The following HECW2 variants were observed in gnomAD, a reference collection of about 807,000 sequenced individuals.
HECW2 encodes the protein E3 ubiquitin-protein ligase HECW2.
HECW2 carries 61 observed loss-of-function variants against 175.2 expected under a neutral mutation model. That is an observed-to-expected ratio of 0.35 (90% confidence interval 0.28 to 0.43). HECW2 has a LOEUF of 0.43. Ranked by LOEUF, HECW2 falls within the 20% of genes least tolerant of loss-of-function variation. HECW2 has a pLI of 1.00. For synonymous variants in HECW2, 671 were observed against 731.0 expected (o/e 0.92, Z 1.32); for missense variants, 1,524 against 2,000.5 (o/e 0.76, Z 4.54).
chr2:196,407,400 C>T (rs952224796), intron 2 of HECW2, among the ~76,000 whole-genome samples: 1 of 151,978 alleles, frequency 6.6e-6, no homozygotes, highest in African/African-American at 2.4e-5. Flanking sequence ...CAGGGTTTCA[C>T]CATGTTGCCT....
chr2:196,319,381 T>A lies in HECW2; in HGVS notation c.1509A>T (p.Thr503=). ...RASRADDGSL[T]SQTKLEDNPV... ...GGTTGTCCTCCAGCTTTGTCTGAGA[T>A]GTCAGGCTTCCATCATCAGCTCTGG... Residue 503 remains threonine (T), a synonymous_variant, in exon 9 of 29, where the codon ACA becomes ACT. Transcript: ENST00000644978. 1 of 1,613,550 alleles carries A rather than the reference T, an allele frequency of 6.2e-7. No individual in the cohort carries two copies. The highest frequency in any genetic ancestry group is 8.5e-7 in the Non-Finnish European group (1 of 1,180,030).
At chr2:196,358,482 G>C (rs976012680) in intron 2 of HECW2, among the ~76,000 whole-genome samples, 2 of 149,392 alleles carry the variant, frequency 1.3e-5, no homozygotes, top group African/African-American at 2.5e-5. Context: ...GGCTGAGGCA[G>C]GAGAATTGCT....
intron 2 of HECW2, among the ~76,000 whole-genome samples, chr2:196,371,026 GT>G (rs1246765394): frequency 6.6e-6 from 1 of 152,126 alleles, no homozygotes; most frequent in African/African-American, 2.4e-5. Flanking sequence ...TTATGAAGGT[GT>G]TTTTTTGTGT....
At chr2:196,533,578 C>A (rs1387022523) in intron 1 of HECW2, among the ~76,000 whole-genome samples, 1 of 152,072 alleles carries the variant, frequency 6.6e-6, no homozygotes, top group Non-Finnish European at 1.5e-5. Context: ...TCCTTAATCT[C>A]AGCAAAGTCA....
At chr2:196,371,163 G>T (rs975670980) in intron 2 of HECW2, among the ~76,000 whole-genome samples, 5 of 151,994 alleles carry the variant, frequency 3.3e-5, no homozygotes, top group Non-Finnish European at 7.4e-5. Context: ...TCTGATACAG[G>T]TACTCTTTGA....
rs200747318 is a variant in HECW2, at chr2:196,433,427, G to A, written c.-4C>T. ...GCTCCCGGGCTGAACTAGCCATCCC[G>A]TCTGCTTCTCTGGGATTGGCTGCCT... On this transcript the variant is annotated 5_prime_UTR_variant, in exon 2 of 29. The change creates a new upstream start codon in the 5' untranslated region. Coordinates refer to ENST00000644978, the MANE Select transcript of HECW2 (RefSeq NM_001348768.2). 2.6e-5 allele frequency: 42 copies of A among 1,610,516 alleles called. No homozygotes were observed. The highest frequency in any genetic ancestry group is 2.0e-4 in the Admixed American group (12 of 59,786).
At chr2:196,328,289 G>A (rs936251694) in intron 5 of HECW2, among the ~76,000 whole-genome samples, 1 of 152,244 alleles carries the variant, frequency 6.6e-6, no homozygotes, top group South Asian at 2.1e-4. Flanking sequence ...AGTACCACAG[G>A]CAGTGGTTAT....
At chr2:196,458,870 C>A (rs895502375) in intron 1 of HECW2, among the ~76,000 whole-genome samples, 8 of 151,976 alleles carry the variant, frequency 5.3e-5, no homozygotes, top group African/African-American at 1.9e-4. Flanking sequence ...GTCTCAACAA[C>A]AACAACAACA....
At chr2:196,433,575 C>T in intron 1 of HECW2, 117 bp from the exon 2 acceptor site, 1 of 731,858 alleles carries the variant, frequency 1.4e-6, no homozygotes, top group Non-Finnish European at 2.2e-6. Flanking sequence ...CAATAATCTT[C>T]TGTTGTCAAA....
intron 2 of HECW2, among the ~76,000 whole-genome samples, chr2:196,349,052 C>G (rs924720510): frequency 6.6e-6 from 1 of 152,182 alleles, no homozygotes; most frequent in Non-Finnish European, 1.5e-5. Flanking sequence ...TCTACTCCCC[C>G]TTACAGTGGT....
intron 1 of HECW2, among the ~76,000 whole-genome samples, chr2:196,482,855 T>C (rs904307751): frequency 6.6e-6 from 1 of 152,174 alleles, no homozygotes; most frequent in African/African-American, 2.4e-5. Flanking sequence ...GGATGCCCTA[T>C]GTGACTCACT....
At chr2:196,304,515 C>T (rs1279981581) in intron 13 of HECW2, among the ~76,000 whole-genome samples, 1 of 152,164 alleles carries the variant, frequency 6.6e-6, no homozygotes, top group Non-Finnish European at 1.5e-5. Context: ...GTCTTATTTA[C>T]CACTCTATTC....
chr2:196,524,902 T>C (rs1472493518), intron 1 of HECW2, among the ~76,000 whole-genome samples: 1 of 131,982 alleles, frequency 7.6e-6, no homozygotes, highest in Non-Finnish European at 1.5e-5. Context: ...TCCAAGTATG[T>C]GGTCAATTTT....
chr2:196,467,367 G>A (rs1350647271), intron 1 of HECW2, among the ~76,000 whole-genome samples: 1 of 152,102 alleles, frequency 6.6e-6, no homozygotes, highest in Non-Finnish European at 1.5e-5. Context: ...TATAGGATGA[G>A]GGGGAGGGAG....
intron 28 of HECW2, among the ~76,000 whole-genome samples, chr2:196,214,746 C>G (rs1343462004): frequency 6.6e-6 from 1 of 152,114 alleles, no homozygotes; most frequent in Non-Finnish European, 1.5e-5. Context: ...TTTTCAGCAC[C>G]CTTTTTCTCA....
At chr2:196,461,759 C>A (rs1447484983) in intron 1 of HECW2, among the ~76,000 whole-genome samples, 1 of 152,082 alleles carries the variant, frequency 6.6e-6, no homozygotes, top group African/African-American at 2.4e-5. Flanking sequence ...CATCAGATCT[C>A]GTGAGAACCC....
At position 196,576,730 on chromosome 2, in the gene HECW2, C is replaced by A. The variant is rs982127710; in HGVS notation, c.-36+16778G>T. On this transcript the variant is annotated intron_variant, in intron 1 of 28. Coordinates refer to ENST00000644978, the MANE Select transcript of HECW2 (RefSeq NM_001348768.2). ...TGTTCTCACCACAAAAAAAAGATAA[C>A]CATGTGAGATAACAAATGTTAACAA... Among the ~76,000 whole-genome samples, 4 of 152,214 alleles carry A rather than the reference C, an allele frequency of 2.6e-5. No homozygotes were observed. In the East Asian group the frequency reaches 5.8e-4, roughly 22 times the overall value.
At chr2:196,494,126 T>C (rs1687297538) in intron 1 of HECW2, among the ~76,000 whole-genome samples, 1 of 152,148 alleles carries the variant, frequency 6.6e-6, no homozygotes, top group Non-Finnish European at 1.5e-5. Context: ...ATCCCGAGCA[T>C]AGGGGAATGA....
intron 2 of HECW2, among the ~76,000 whole-genome samples, chr2:196,395,322 C>T (rs1176800804): frequency 6.6e-6 from 1 of 151,768 alleles, no homozygotes; most frequent in African/African-American, 2.4e-5. Context: ...GAATATGACA[C>T]CAAAAACACA....
Sources: allele counts gnomAD v4.1 joint callset (sites outside exome capture counted in the v4.1 genomes callset), GRCh38; gene constraint gnomAD v4.1.1; transcripts MANE v1.5; gene names NCBI Gene and HGNC (gene_info 2026-07-23, HGNC 2026-07-21).